The following KIAA0513 variants were observed in gnomAD, a reference collection of about 807,000 sequenced individuals.
KIAA0513 encodes uncharacterized protein KIAA0513.
In KIAA0513, 39 loss-of-function variants were observed where a neutral mutation model predicts 56.5. The observed-to-expected ratio is 0.69, with a 90% CI of 0.53 to 0.90. KIAA0513 has a LOEUF of 0.90. Ranked by LOEUF, KIAA0513 falls within the 40% of genes least tolerant of loss-of-function variation. The pLI, the probability that KIAA0513 is intolerant of heterozygous loss-of-function variation, is 0.00. For synonymous variants in KIAA0513, 268 were observed against 215.6 expected, an observed-to-expected ratio of 1.24 and a Z score of -2.13; for missense variants, 591 against 535.2, an observed-to-expected ratio of 1.10 and a Z score of -1.03.
chr16:85,037,840 C>G (rs1324370226), intron 1 of KIAA0513, among the ~76,000 whole-genome samples: 1 of 152,182 alleles, frequency 6.6e-6, no homozygotes, highest in Non-Finnish European at 1.5e-5. Flanking sequence ...CGTCCTCTCT[C>G]CCTCCTCCAG....
At chr16:85,050,625 A>G (rs998003066) in intron 1 of KIAA0513, among the ~76,000 whole-genome samples, 1 of 152,030 alleles carries the variant, frequency 6.6e-6, no homozygotes, top group African/African-American at 2.4e-5. Context: ...CGAGCTGTTG[A>G]TTTATAACCA....
At chr16:85,030,727 G>A (rs2072952873) in intron 1 of KIAA0513, among the ~76,000 whole-genome samples, 1 of 146,528 alleles carries the variant, frequency 6.8e-6, no homozygotes, top group Non-Finnish European at 1.5e-5. Flanking sequence ...CTGGGTGACA[G>A]AGAAAGACTC....
At chr16:85,059,205 C>T (rs1250568910) in intron 1 of KIAA0513, among the ~76,000 whole-genome samples, 1 of 152,116 alleles carries the variant, frequency 6.6e-6, no homozygotes, top group Admixed American at 6.5e-5. Context: ...GTAAACATGA[C>T]CTCATGGTAG....
chr16:85,039,044 C>G (rs1397661159), intron 1 of KIAA0513, among the ~76,000 whole-genome samples: 1 of 152,188 alleles, frequency 6.6e-6, no homozygotes, highest in Non-Finnish European at 1.5e-5. Context: ...GACATAAGCT[C>G]CCTGAGGGCC....
chr16:85,034,064 A>G (rs1294394631), intron 1 of KIAA0513, among the ~76,000 whole-genome samples: 1 of 152,206 alleles, frequency 6.6e-6, no homozygotes, highest in Non-Finnish European at 1.5e-5. Flanking sequence ...CTGTTGGGAC[A>G]GATGACTTGT....
chr16:85,082,616 G>A (rs776460536), intron 10 of KIAA0513, 23 bp downstream of exon 10: 2 of 1,613,810 alleles, frequency 1.2e-6, no homozygotes, highest in Non-Finnish European at 1.7e-6. Flanking sequence ...ACGTGACTTT[G>A]TTCCATTTTA....
At chr16:85,088,240 C>T in intron 12 of KIAA0513, 36 bp from the exon 13 acceptor site, 1 of 1,601,970 alleles carries the variant, frequency 6.2e-7, no homozygotes, top group Non-Finnish European at 8.5e-7. Context: ...CTGTCACTGT[C>T]TTTCATCTGA....
chr16:85,048,088 C>T (rs1268241770), intron 1 of KIAA0513, among the ~76,000 whole-genome samples: 2 of 152,156 alleles, frequency 1.3e-5, no homozygotes, highest in African/African-American at 4.8e-5. Context: ...GGATTACAAA[C>T]AGAAATGAGG....
intron 3 of KIAA0513, among the ~76,000 whole-genome samples, chr16:85,072,104 G>C (rs935972833): frequency 1.3e-5 from 2 of 152,198 alleles, no homozygotes; most frequent in African/African-American, 2.4e-5. Context: ...TGTAATCCCA[G>C]CAGTTTGGGA....
intron 2 of KIAA0513, 43 bp from the exon 3 acceptor site, chr16:85,071,739 AG>A: frequency 5.2e-6 from 7 of 1,359,152 alleles, no homozygotes; most frequent in East Asian, 4.8e-5. Context: ...GGGATTGAAA[AG>A]GGTTTTTTTT....
chr16:85,067,223 C>T lies in KIAA0513; in HGVS notation c.152C>T (p.Ala51Val), dbSNP rs148950418. The T allele has an allele frequency of 8.1e-6, 13 of 1,614,030 alleles. No homozygotes were observed. The Admixed American group carries it at 1.0e-4, about 12-fold the overall frequency. ...GASESETTESADSENDMGESP... is the reference protein window; with the variant it reads ...GASESETTESVDSENDMGESP... ...TCAGAGAGTGAGACCACTGAGTCTG[C>T]GGACAGTGAGAATGACATGGGCGAG... Residue 51 changes from alanine to valine, a missense_variant, in exon 2 of 13, where the codon GCG becomes GTG. Ala to Val is a moderately conservative substitution (Grantham distance 64). Coordinates refer to ENST00000683363, the MANE Select transcript of KIAA0513 (RefSeq NM_001388359.1).
intron 4 of KIAA0513, among the ~76,000 whole-genome samples, chr16:85,073,209 A>G (rs563074042): frequency 2.6e-5 from 4 of 152,280 alleles, no homozygotes; most frequent in Admixed American, 2.6e-4. Flanking sequence ...CTTAGCTGGC[A>G]GCGAATGAGA....
chr16:85,045,122 T>G (rs770168841), intron 1 of KIAA0513, among the ~76,000 whole-genome samples: 14 of 149,640 alleles, frequency 9.4e-5, no homozygotes, highest in Non-Finnish European at 1.9e-4. Flanking sequence ...CGTCTCTAAA[T>G]AAATAAATAA....
chr16:85,042,327 T>C (rs1163028972), intron 1 of KIAA0513, among the ~76,000 whole-genome samples: 1 of 152,198 alleles, frequency 6.6e-6, no homozygotes, highest in African/African-American at 2.4e-5. Context: ...AGGAGACCTA[T>C]AGGTTGAGTC....
At chr16:85,039,528 T>A (rs1313742220) in intron 1 of KIAA0513, among the ~76,000 whole-genome samples, 4 of 152,212 alleles carry the variant, frequency 2.6e-5, no homozygotes, top group Non-Finnish European at 5.9e-5. Context: ...GGTCTTGAAT[T>A]CCTGGGTTCA....
At position 85,093,233 on chromosome 16, in the gene KIAA0513, T is replaced by G. The variant is rs1597658492; in HGVS notation, c.*4908T>G. 9.7e-6 allele frequency: 1 copy of G among 102,948 alleles called. No homozygotes were observed. Among genetic ancestry groups the G allele is most frequent in the African/African-American group, 3.9e-5 (1 of 25,694 alleles). The allele number at this position is 102,948 out of a possible 1,614,324, so 6.4% of individuals were successfully genotyped here. A position where few individuals can be genotyped will look rare whatever the true frequency, so the allele number is the denominator to read the frequency against. On this transcript the variant is annotated 3_prime_UTR_variant, in exon 13 of 13. Coordinates refer to ENST00000683363, the MANE Select transcript of KIAA0513 (RefSeq NM_001388359.1). ...GATGCACGTGGCCACGGGATTTCAG[T>G]GGGACAGCGCTCCCACAGGGGCTGG...
chr16:85,035,443 G>C (rs34949898), intron 1 of KIAA0513, among the ~76,000 whole-genome samples: 9,950 of 152,266 alleles, frequency 0.065, 365 homozygotes, highest in Middle Eastern at 0.082. Flanking sequence ...AAGTCTTTTA[G>C]CGTCAGAATC....
intron 1 of KIAA0513, among the ~76,000 whole-genome samples, chr16:85,043,731 G>C (rs1276346975): frequency 6.6e-6 from 1 of 152,048 alleles, no homozygotes; most frequent in Non-Finnish European, 1.5e-5. Context: ...ATGTTTAATG[G>C]ATTGAAATGC....
intron 1 of KIAA0513, among the ~76,000 whole-genome samples, chr16:85,047,369 G>T (rs183797737): frequency 6.6e-6 from 1 of 152,110 alleles, no homozygotes; most frequent in Admixed American, 6.5e-5. Context: ...GCAATCTCTC[G>T]AGCACTTTCC....
Sources: allele counts gnomAD v4.1 joint callset (sites outside exome capture counted in the v4.1 genomes callset), GRCh38; gene constraint gnomAD v4.1.1; transcripts MANE v1.5; gene names NCBI Gene and HGNC (gene_info 2026-07-23, HGNC 2026-07-21).